RP1L1: variants seen among roughly 807,000 people sequenced by gnomAD.
The protein encoded by RP1L1 is retinitis pigmentosa 1-like 1 protein.
In RP1L1, 27 loss-of-function variants were observed where a neutral mutation model predicts 15.7. The observed-to-expected ratio is 1.72, with a 90% confidence interval of 1.27 to 2.38. RP1L1 has a LOEUF of 2.38. RP1L1 is among the 30% of genes most tolerant of loss of function. RP1L1 has a pLI of 0.00. For synonymous variants in RP1L1, 1,813 were observed against 1,276.7 expected, an observed-to-expected ratio of 1.42 and a Z score of -8.96; for missense variants, 4,798 against 3,075.9, an observed-to-expected ratio of 1.56 and a Z score of -13.24.
In RP1L1 at chr8:10,609,758, G is replaced by C. The variant is rs771944635; in HGVS notation, c.4340C>G (p.Thr1447Arg). The change falls in exon 4 of 4, where the codon ACA becomes AGA. Residue 1447 changes from threonine to arginine, a missense_variant. Thr to Arg is a moderately conservative substitution (Grantham distance 71). Transcript: ENST00000382483. ...ASAEPCPAEG[T>R]EEPTEPPSHL... is the part of the protein sequence containing the mutation. The stretch of plus-strand genomic sequence containing the variant: ...ACTAGGGGGCTCTGTGGGTTCCTCT[G>C]TGCCCTCTGCGGGGCACGGCTCTGC... 2.5e-6 allele frequency: 4 copies of C among 1,613,580 alleles called. No individual in the cohort carries two copies. The highest frequency in any genetic ancestry group is 3.4e-6 in the Non-Finnish European group (4 of 1,179,690).
intron 2 of RP1L1, among the ~76,000 whole-genome samples, chr8:10,618,939 C>T (rs1798015893): frequency 6.6e-6 from 1 of 152,124 alleles, no homozygotes; most frequent in African/African-American, 2.4e-5. Context: ...CAACCTCCAC[C>T]TCTCAGGTTC....
At chr8:10,648,530 C>T (rs545189906) in intron 1 of RP1L1, among the ~76,000 whole-genome samples, 3 of 152,130 alleles carry the variant, frequency 2.0e-5, no homozygotes, top group African/African-American at 2.4e-5. Flanking sequence ...TGTTCCAGCA[C>T]GGATCTGTTA....
At position 10,622,597 on chromosome 8, in the gene RP1L1, T is replaced by C. The variant is rs376112586; in HGVS notation, c.605A>G (p.Lys202Arg). Residue 202 changes from lysine (K) to arginine (R), a missense_variant, in exon 2 of 4, where the codon AAA becomes AGA. Transcript: ENST00000382483. Reference protein sequence around the residue: ...PVKQLYTTSGKKVDSLQALLH... With the variant: ...PVKQLYTTSGRKVDSLQALLH... ...CGTCAGACCCCAACAGCCTACCTTT[T>C]TCCCGCTGGTCGTGTACAACTGCTT... 33 of 1,614,066 alleles carry C rather than the reference T, an allele frequency of 2.0e-5. 1 individual carries two copies. The highest frequency in any genetic ancestry group is 2.5e-5 in the Non-Finnish European group (29 of 1,180,048).
chr8:10,616,446 C>T lies in RP1L1; in HGVS notation c.751G>A (p.Gly251Arg), dbSNP rs201120801. 2.4e-5 allele frequency: 38 copies of T among 1,614,092 alleles called. No individual in the cohort carries two copies. Among genetic ancestry groups the T allele is most frequent in the South Asian group, 2.2e-5 (2 of 91,076 alleles). The change falls in exon 3 of 4, where the codon GGG (glycine) becomes AGG (arginine). Residue 251 changes from glycine (G) to arginine (R), a missense_variant and splice_region_variant. Gly to Arg is a moderately radical substitution (Grantham distance 125). Coordinates refer to ENST00000382483, the MANE Select transcript of RP1L1 (RefSeq NM_178857.6). ...LSGLTSRNKN[G>R]SWGPKTKPSV... ...GGGGGAAACCCAAAAACCAACTCACCGTTTTTGTTTCTTGAAGTCAGCCCA... is the reference window on the plus strand; with the variant it reads ...GGGGGAAACCCAAAAACCAACTCACTGTTTTTGTTTCTTGAAGTCAGCCCA...
At chr8:10,648,320 C>G (rs918821120) in intron 1 of RP1L1, among the ~76,000 whole-genome samples, 1 of 152,278 alleles carries the variant, frequency 6.6e-6, no homozygotes, top group South Asian at 2.1e-4. Flanking sequence ...GTGTGAGCCA[C>G]CGCACCTGGC....
Position 10,610,591 on chromosome 8 carries a change from G to C in RP1L1, c.3507C>G (p.Asp1169Glu), listed in dbSNP as rs1797828265. 6.2e-7 allele frequency: 1 copy of C among 1,613,610 alleles called. No individual in the cohort carries two copies. The highest frequency in any genetic ancestry group is 1.1e-5 in the South Asian group (1 of 91,068). The change falls in exon 4 of 4, where the codon GAC (aspartate) becomes GAG (glutamate). Residue 1169 changes from aspartate (D) to glutamate (E), a missense_variant. Asp to Glu is a conservative substitution (Grantham distance 45). Transcript: ENST00000382483. ...TCCATGTGAGCTCCCAGAGGCCTGA[G>C]TCCAGCTGGTCTTCCCCAACGTCAC... ...PGCDVGEDQLDSGLWELTWSQ... is the reference protein window; with the variant it reads ...PGCDVGEDQLESGLWELTWSQ...
At chr8:10,621,853 G>A (rs1798065087) in intron 2 of RP1L1, 1 of 448,290 alleles carries the variant, frequency 2.2e-6, no homozygotes, top group Non-Finnish European at 4.5e-6. Context: ...GTAGCTTCCT[G>A]CACATGCTGG....
intron 1 of RP1L1, among the ~76,000 whole-genome samples, chr8:10,626,181 G>T (rs533536262): frequency 6.6e-6 from 1 of 151,996 alleles, no homozygotes; most frequent in African/African-American, 2.4e-5. Context: ...GCTGGGTAGG[G>T]GGCTGGCAGC....
chr8:10,654,637 G>C (rs11993512), intron 1 of RP1L1, among the ~76,000 whole-genome samples: 2,841 of 152,302 alleles, frequency 0.019, 93 homozygotes, highest in African/African-American at 0.065. Flanking sequence ...GACAGGCTGT[G>C]ATACTAACAT....
intron 1 of RP1L1, among the ~76,000 whole-genome samples, chr8:10,640,878 C>G (rs1241463588): frequency 6.6e-6 from 1 of 152,004 alleles, no homozygotes; most frequent in Admixed American, 6.5e-5. Flanking sequence ...TGAAGCGATC[C>G]TCTCACCTCA....
At chr8:10,619,960 CAAAAAAAAAAAAA>C (rs34459240) in intron 2 of RP1L1, among the ~76,000 whole-genome samples, 2 of 87,210 alleles carry the variant, frequency 2.3e-5, no homozygotes, top group African/African-American at 9.3e-5. Flanking sequence ...GACTCCATCT[CAAAAAAAAAAAAA>C]AAAAAAAAGA....
chr8:10,644,080 G>T (rs1306813511), intron 1 of RP1L1, among the ~76,000 whole-genome samples: 1 of 152,036 alleles, frequency 6.6e-6, no homozygotes, highest in Non-Finnish European at 1.5e-5. Context: ...GGTTCCAAGA[G>T]CATCTGGCTC....
chr8:10,652,335 C>T (rs1400348351), intron 1 of RP1L1, among the ~76,000 whole-genome samples: 1 of 152,190 alleles, frequency 6.6e-6, no homozygotes, highest in East Asian at 1.9e-4. Context: ...AACAGTAAGG[C>T]TGACAATATA....
rs1563123731 is a variant in RP1L1, at chr8:10,611,137, C to A, written c.2961G>T (p.Leu987=). 1 of 1,612,964 alleles carries A rather than the reference C, an allele frequency of 6.2e-7. No homozygotes were observed. Residue 987 remains leucine, a synonymous_variant, in exon 4 of 4, where the codon CTG becomes CTT. Coordinates refer to ENST00000382483, the MANE Select transcript of RP1L1 (RefSeq NM_178857.6). ...CCCCAGGGTCCACCTCGGGGCCTCT[C>A]AGGCCACCCCCAGCTGCACCTGTGG... is the stretch of plus-strand genomic sequence containing the variant. ...DETTGAAGGG[L]RGPEVDPGDD...
At position 10,607,013 on chromosome 8, in the gene RP1L1, G is replaced by A. The variant is rs1355020073; in HGVS notation, c.7085C>T (p.Pro2362Leu). The A allele has an allele frequency of 3.1e-6, 5 of 1,614,168 alleles. No homozygotes were observed. The highest frequency in any genetic ancestry group is 4.2e-6 in the Non-Finnish European group (5 of 1,180,026). ...ATAACCTTCACTGGCCCCCTGCTCT[G>A]GAGTCCTTGAGCCCAAAGGGGCCTC... ...QEEAPLGSRT[P>L]EQGASEGYDL... The change falls in exon 4 of 4, where the codon CCA becomes CTA. Residue 2362 changes from proline to leucine, a missense_variant. Coordinates refer to ENST00000382483, the MANE Select transcript of RP1L1 (RefSeq NM_178857.6).
intron 1 of RP1L1, among the ~76,000 whole-genome samples, chr8:10,642,475 G>C (rs11986717): frequency 0.045 from 6,826 of 152,250 alleles, 450 homozygotes; most frequent in African/African-American, 0.15. Flanking sequence ...GATGGTTGGG[G>C]CTACAGATGC....
At chr8:10,639,333 G>C (rs2117254662) in intron 1 of RP1L1, among the ~76,000 whole-genome samples, 1 of 152,198 alleles carries the variant, frequency 6.6e-6, no homozygotes. Context: ...TATCCTCCGT[G>C]TGTTAACCTG....
intron 2 of RP1L1, among the ~76,000 whole-genome samples, chr8:10,619,353 T>A (rs535796345): frequency 6.6e-6 from 1 of 152,362 alleles, no homozygotes; most frequent in South Asian, 2.1e-4. Flanking sequence ...AAGTCAAAGA[T>A]GCAGAGAGGC....
chr8:10,624,625 T>A (rs1362913274), intron 1 of RP1L1, among the ~76,000 whole-genome samples: 1 of 151,334 alleles, frequency 6.6e-6, no homozygotes, highest in Non-Finnish European at 1.5e-5. Context: ...GAGGAGAAGG[T>A]TGGAGGCTTT....
Sources: gnomAD v4.1 joint callset for allele counts (sites outside exome capture counted in the v4.1 genomes callset) on GRCh38, gnomAD v4.1.1 for gene constraint, MANE v1.5 for transcripts, NCBI Gene and HGNC (gene_info 2026-07-23, HGNC 2026-07-21) for gene names.